Variants in DPYD observed in about 807,000 individuals in gnomAD.
The protein encoded by DPYD is dihydropyrimidine dehydrogenase [NADP(+)].
A neutral mutation model predicts 116.2 loss-of-function variants in DPYD; 109 were observed. The ratio of observed to expected loss-of-function variants is 0.94; its 90% confidence interval spans 0.80 to 1.10. DPYD has a LOEUF of 1.10. Ranked by LOEUF, DPYD falls within the 50% of genes least tolerant of loss-of-function variation. The probability of loss-of-function intolerance (pLI) is 0.00; values close to 1 mark genes in which losing one functional copy is unlikely to be tolerated. For missense variants in DPYD, 1,302 were observed against 1,254.5 expected (o/e 1.04, Z -0.57); for synonymous variants, 440 against 432.0 (o/e 1.02, Z -0.23).
intron 3 of DPYD, among the ~76,000 whole-genome samples, chr1:97,751,120 G>A (rs148299506): frequency 2.7e-3 from 411 of 152,040 alleles, no homozygotes; most frequent in Non-Finnish European, 4.9e-3. Flanking sequence ...CATATTAGCT[G>A]TGTAGGTATA....
At chr1:97,351,848 G>A (rs1670163270) in intron 16 of DPYD, among the ~76,000 whole-genome samples, 1 of 151,992 alleles carries the variant, frequency 6.6e-6, no homozygotes, top group Admixed American at 6.6e-5. Flanking sequence ...AAAGGAACAA[G>A]GAACTCAATA....
At chr1:97,719,023 A>C (rs1662774248) in intron 5 of DPYD, among the ~76,000 whole-genome samples, 1 of 151,736 alleles carries the variant, frequency 6.6e-6, no homozygotes, top group Admixed American at 6.6e-5. Context: ...TGCCTCCTAG[A>C]GTGAGTCACA....
intron 1 of DPYD, among the ~76,000 whole-genome samples, chr1:97,913,387 C>T (rs1674060993): frequency 6.6e-6 from 1 of 152,022 alleles, no homozygotes; most frequent in African/African-American, 2.4e-5. Flanking sequence ...TTCACCATTG[C>T]CATATTTTAT....
intron 20 of DPYD, among the ~76,000 whole-genome samples, chr1:97,183,032 A>C (rs1278885775): frequency 6.6e-6 from 1 of 152,076 alleles, no homozygotes; most frequent in Non-Finnish European, 1.5e-5. Flanking sequence ...GTTAATTGCG[A>C]TGAAGCATAA....
chr1:97,199,025 C>G (rs1343408262), intron 19 of DPYD, among the ~76,000 whole-genome samples: 2 of 152,136 alleles, frequency 1.3e-5, no homozygotes, highest in East Asian at 3.9e-4. Context: ...AGAGGCCGAC[C>G]TGTGCAGAAC....
intron 8 of DPYD, among the ~76,000 whole-genome samples, chr1:97,623,559 G>C (rs1273833372): frequency 6.6e-6 from 1 of 151,878 alleles, no homozygotes; most frequent in East Asian, 1.9e-4. Context: ...CTGACAAAAG[G>C]AATCTACAGG....
chr1:97,757,328 T>A (rs550852637), intron 3 of DPYD, among the ~76,000 whole-genome samples: 9 of 151,848 alleles, frequency 5.9e-5, no homozygotes, highest in African/African-American at 2.2e-4. Flanking sequence ...TTAGCCAGGG[T>A]GAGGAGACAG....
At position 97,270,553 on chromosome 1, in the gene DPYD, C is replaced by T. The variant is rs75013743; in HGVS notation, c.2299+34706G>A. 7.6e-3 allele frequency among the ~76,000 whole-genome samples: 1,161 copies of T among 152,230 alleles called. 14 individuals carry two copies. The highest frequency in any genetic ancestry group is 0.027 in the African/African-American group (1,113 of 41,544). On this transcript the variant is annotated intron_variant, in intron 18 of 22. Coordinates refer to ENST00000370192, the MANE Select transcript of DPYD (RefSeq NM_000110.4). ...TAAAACATGGGGCTGGTAAGCTCTG[C>T]TGCAAGTGTGGGGCCAGAAAATATT...
chr1:97,912,089 C>T (rs1000685148), intron 1 of DPYD, among the ~76,000 whole-genome samples: 1 of 152,242 alleles, frequency 6.6e-6, no homozygotes, highest in Admixed American at 6.5e-5. Flanking sequence ...AACGGTTAAA[C>T]TGGTTCCATT....
At chr1:97,907,383 C>G (rs1405044960) in intron 1 of DPYD, among the ~76,000 whole-genome samples, 2 of 152,176 alleles carry the variant, frequency 1.3e-5, no homozygotes, top group East Asian at 3.9e-4. Context: ...ATGATAGTAA[C>G]AGCTTACATT....
intron 18 of DPYD, among the ~76,000 whole-genome samples, chr1:97,274,733 A>G (rs1664827414): frequency 6.6e-6 from 1 of 152,162 alleles, no homozygotes. Context: ...TTTTGCACCA[A>G]CATAATATGT....
chr1:97,625,022 T>C (rs1656847444), intron 8 of DPYD, among the ~76,000 whole-genome samples: 2 of 151,762 alleles, frequency 1.3e-5, no homozygotes, highest in South Asian at 2.1e-4. Flanking sequence ...TGCTTTTTTC[T>C]TTTTTTTGAG....
rs142554180 is a variant in DPYD, at chr1:97,709,547, C to T, written c.484-10000G>A. 8.1e-3 allele frequency among the ~76,000 whole-genome samples: 1,224 copies of T among 151,678 alleles called. 5 individuals are homozygous for T. Among genetic ancestry groups the T allele is most frequent in the Non-Finnish European group, 0.013 (872 of 67,744 alleles). Reference sequence around the variant, plus strand: ...TAGAAAGTGCATGTATTTCACCACTCCAAATTGACTTTACCAGCATTTTCT... The same window carrying T: ...TAGAAAGTGCATGTATTTCACCACTTCAAATTGACTTTACCAGCATTTTCT... On this transcript the variant is annotated intron_variant, in intron 5 of 22. Transcript: ENST00000370192.
chr1:97,693,319 C>CAAAAAAAA (rs1557887384), intron 6 of DPYD, among the ~76,000 whole-genome samples: 1 of 112,156 alleles, frequency 8.9e-6, no homozygotes, highest in Admixed American at 8.5e-5. Flanking sequence ...AAAAAAAAAC[C>CAAAAAAAA]AAAAAAGAAA....
chr1:97,652,330 G>A (rs1397087126), intron 8 of DPYD, among the ~76,000 whole-genome samples: 1 of 152,030 alleles, frequency 6.6e-6, no homozygotes, highest in Admixed American at 6.6e-5. Flanking sequence ...CTTAAAATCT[G>A]ACCTGATAAT....
At chr1:97,416,065 G>A (rs778093615) in intron 14 of DPYD, among the ~76,000 whole-genome samples, 1 of 152,128 alleles carries the variant, frequency 6.6e-6, no homozygotes, top group Non-Finnish European at 1.5e-5. Flanking sequence ...TCTAGCAAGA[G>A]AAATCCAATA....
intron 8 of DPYD, among the ~76,000 whole-genome samples, chr1:97,665,034 T>C (rs1429766328): frequency 1.3e-5 from 2 of 152,136 alleles, no homozygotes. Context: ...TAATACTCTG[T>C]CTTTTCTAAG....
At chr1:97,883,746 A>G (rs1672342796) in intron 1 of DPYD, 1 of 367,046 alleles carries the variant, frequency 2.7e-6, no homozygotes, top group South Asian at 2.3e-5. Flanking sequence ...CATGTCTGGT[A>G]GCATTTTTAG....
At chr1:97,662,302 C>T (rs1659312768) in intron 8 of DPYD, among the ~76,000 whole-genome samples, 1 of 151,770 alleles carries the variant, frequency 6.6e-6, no homozygotes, top group African/African-American at 2.4e-5. Context: ...GCACCTGGCC[C>T]CAAGTCAACT....
Sources: allele counts gnomAD v4.1 joint callset (sites outside exome capture counted in the v4.1 genomes callset), GRCh38; gene constraint gnomAD v4.1.1; transcripts MANE v1.5; gene names NCBI Gene and HGNC (gene_info 2026-07-23, HGNC 2026-07-21).